Variants in LILRB2 observed in about 807,000 individuals in gnomAD.
The protein encoded by LILRB2 is leukocyte immunoglobulin-like receptor subfamily B member 2.
A neutral mutation model predicts 72.7 loss-of-function variants in LILRB2; 47 were observed. The ratio of observed to expected loss-of-function variants is 0.65; its 90% CI spans 0.51 to 0.82. The LOEUF is 0.82. Ranked by LOEUF, LILRB2 falls within the 40% of genes least tolerant of loss-of-function variation. The probability of loss-of-function intolerance (pLI) is 0.00; values close to 1 mark genes in which losing one functional copy is unlikely to be tolerated. For missense variants in LILRB2, 767 were observed against 764.8 expected (o/e 1.00, Z -0.03); for synonymous variants, 279 against 313.7 (o/e 0.89, Z 1.17).
intron 8 of LILRB2, 25 bp downstream of exon 8, chr19:54,277,864 C>A: frequency 1.3e-6 from 2 of 1,538,556 alleles, no homozygotes. Context: ...GCGCTCCCTT[C>A]GAGCCAGAGG....
intron 4 of LILRB2, 21 bp from the exon 5 acceptor site, chr19:54,279,668 G>A (rs201631551): frequency 1.0e-4 from 167 of 1,599,198 alleles, no homozygotes; most frequent in Middle Eastern, 5.0e-4. Flanking sequence ...AGGAGGCATC[G>A]TGTTAAATGG....
rs527259812 is a variant in LILRB2 at position 54,279,639 on chromosome 19, G to T, written c.364C>A (p.Pro122Thr). 1 of 1,604,620 alleles carries T rather than the reference G, an allele frequency of 6.2e-7. No homozygotes were observed. Among genetic ancestry groups the T allele is most frequent in the Non-Finnish European group, 8.5e-7 (1 of 1,173,414 alleles). ...PLVLVMTGAY[P>T]KPTLSAQPSP... ...GGCTGGGCTGAGAGGGTGGGTTTTG[G>T]GTAGGCTCCTAGGAGAGAAGGAGGC... is the stretch of plus-strand genomic sequence containing the variant. The change falls in exon 5 of 14, where the codon CCA (proline) becomes ACA (threonine). Residue 122 changes from proline to threonine, a missense_variant. Around this residue, in one of 3 missense-constraint regions of LILRB2, gnomAD observed 599 missense variants for 568.2 expected, o/e 1.05. Transcript: ENST00000314446.
chr19:54,279,397 G>C lies in LILRB2; in HGVS notation c.606C>G (p.Asn202Lys). The C allele has an allele frequency of 6.2e-7, 1 of 1,613,910 alleles. No individual in the cohort carries two copies. The highest frequency in any genetic ancestry group is 2.2e-5 in the East Asian group (1 of 44,838). Residue 202 changes from asparagine (N) to lysine (K), a missense_variant, in exon 5 of 14, where the codon AAC becomes AAG. Transcript: ENST00000314446. ...TGGGTGAAGACCACACATAGGGAGA[G>C]TTCAAGTCATAACCATAGCACCTGT... is the stretch of plus-strand genomic sequence containing the variant. ...WSHRCYGYDL[N>K]SPYVWSSPSD...
chr19:54,277,956 G>C lies in LILRB2; in HGVS notation c.1259-17C>G. ...TGGAGGGTCCTGGGTGAAAGAATGAGAGGAGGGTGAGGAGCTGGGGCTTTC... is the reference window on the plus strand; with the variant it reads ...TGGAGGGTCCTGGGTGAAAGAATGACAGGAGGGTGAGGAGCTGGGGCTTTC... On this transcript the variant is annotated splice_polypyrimidine_tract_variant and intron_variant, in intron 7 of 13. Coordinates refer to ENST00000314446, the MANE Select transcript of LILRB2 (RefSeq NM_001080978.4). 2.0e-6 allele frequency: 3 copies of C among 1,481,292 alleles called. No individual in the cohort carries two copies. Among genetic ancestry groups the C allele is most frequent in the Non-Finnish European group, 2.7e-6 (3 of 1,111,636 alleles). 91.8% of individuals were successfully genotyped at this position (1,481,292 alleles called of 1,614,324 possible).
chr19:54,275,418 C>T (rs1445280893), intron 13 of LILRB2: 22 of 504,622 alleles, frequency 4.4e-5, no homozygotes, highest in East Asian at 1.3e-4. Flanking sequence ...CAGCCCTCCC[C>T]TTCCATTCAG....
In LILRB2 at chr19:54,273,995, A is replaced by G. The variant is rs1412568111; in HGVS notation, c.*688T>C. The stretch of plus-strand genomic sequence containing the variant: ...TGAATATTTCATCCATTTAATCTGC[A>G]TTTTCTAGTATATTGGTATAGGTTT... On this transcript the variant is annotated 3_prime_UTR_variant, in exon 14 of 14. Coordinates refer to ENST00000314446, the MANE Select transcript of LILRB2 (RefSeq NM_001080978.4). 1.3e-5 allele frequency: 2 copies of G among 152,230 alleles called. No homozygotes were observed. The highest frequency in any genetic ancestry group is 2.9e-5 in the Non-Finnish European group (2 of 68,190). 9.4% of individuals were successfully genotyped at this position (152,230 alleles called of 1,614,324 possible). A position where few individuals can be genotyped will look rare whatever the true frequency, so the allele number is the denominator to read the frequency against.
chr19:54,277,107 G>A (rs2080269414), intron 9 of LILRB2, 178 bp from the exon 10 acceptor site: 9 of 1,491,990 alleles, frequency 6.0e-6, no homozygotes, highest in East Asian at 2.5e-5. Context: ...GAGGGGAATC[G>A]CCTGCCCCGG....
intron 9 of LILRB2, 103 bp from the exon 10 acceptor site, chr19:54,277,032 C>T (rs968253086): frequency 1.3e-6 from 2 of 1,521,966 alleles, no homozygotes; most frequent in African/African-American, 1.4e-5. Flanking sequence ...CCAACCCCCA[C>T]AACAGTCGTG....
chr19:54,280,916 C>G lies in LILRB2; in HGVS notation c.-49+45G>C, dbSNP rs1461787581. ...TCACAGCTTCCCACATGGTCACCCT[C>G]CCTCCTTCAGCCCATCCATCAGCAC... On this transcript the variant is annotated intron_variant, in intron 1 of 13. Transcript: ENST00000314446. 4 of 1,303,486 alleles carry G rather than the reference C, an allele frequency of 3.1e-6. No individual in the cohort carries two copies. In the African/African-American group the frequency reaches 5.8e-5, roughly 19 times the overall value. 80.7% of individuals were successfully genotyped at this position (1,303,486 alleles called of 1,614,324 possible).
chr19:54,277,963 G>A (rs374464419), intron 7 of LILRB2, 24 bp from the exon 8 acceptor site: 2 of 1,475,664 alleles, frequency 1.4e-6, no homozygotes, highest in South Asian at 2.7e-5. Context: ...TGAGAGGAGG[G>A]TGAGGAGCTG....
In LILRB2 at chr19:54,279,441, G is replaced by A. The variant is rs199771422; in HGVS notation, c.562C>T (p.Pro188Ser). 62 of 1,614,206 alleles carry A rather than the reference G, an allele frequency of 3.8e-5. 1 individual carries two copies. Among genetic ancestry groups the A allele is most frequent in the Non-Finnish European group, 4.5e-5 (53 of 1,180,028 alleles). Residue 188 changes from proline to serine, a missense_variant, in exon 5 of 14, where the codon CCG (proline) becomes TCG (serine). This residue lies in a region of LILRB2 where 599 missense variants were observed against 568.2 expected (regional missense o/e 1.05). Transcript: ENST00000314446. The part of the protein sequence containing the change: ...RAIFSVGPVS[P>S]NRRWSHRCYG... ...CACCTGTGCGACCACCTGCGATTCG[G>A]GCTCACGGGGCCCACGGAGAAGATG...
Position 54,274,485 on chromosome 19 carries a change from T to C in LILRB2, c.*198A>G. On this transcript the variant is annotated 3_prime_UTR_variant, in exon 14 of 14. Transcript: ENST00000314446. ...CATTGATTATTGAGAAGTCTGTTGC[T>C]TTAATTAAAAAATGTAGGGATATTA... 4 of 1,021,168 alleles carry C rather than the reference T, an allele frequency of 3.9e-6. No homozygotes were observed. Among genetic ancestry groups the C allele is most frequent in the Non-Finnish European group, 5.6e-6 (4 of 719,338 alleles). 63.3% of individuals were successfully genotyped at this position (1,021,168 alleles called of 1,614,324 possible). A position where few individuals can be genotyped will look rare whatever the true frequency, so the allele number is the denominator to read the frequency against.
rs1332904225 is a variant in LILRB2, at chr19:54,279,993, C to T, written c.153G>A (p.Gly51=). 4 of 1,614,098 alleles carry T rather than the reference C, an allele frequency of 2.5e-6. No homozygotes were observed. The highest frequency in any genetic ancestry group is 3.4e-6 in the Non-Finnish European group (4 of 1,179,996). Residue 51 remains glycine (G), a synonymous_variant, in exon 4 of 14, where the codon GGG becomes GGA. Coordinates refer to ENST00000314446, the MANE Select transcript of LILRB2 (RefSeq NM_001080978.4). ...GACGGTACTCCTGGGCTTCAAGGCTCCCCTGACAACTGAGGGTGACGGGAC... is the reference window on the plus strand; with the variant it reads ...GACGGTACTCCTGGGCTTCAAGGCTTCCCTGACAACTGAGGGTGACGGGAC... ...QGSPVTLSCQ[G]SLEAQEYRLY...
At position 54,279,952 on chromosome 19, in the gene LILRB2, T is replaced by A. The variant is rs771675050; in HGVS notation, c.194A>T (p.Lys65Ile). 6.2e-7 allele frequency: 1 copy of A among 1,614,088 alleles called. No individual in the cohort carries two copies. Among genetic ancestry groups the A allele is most frequent in the South Asian group, 1.1e-5 (1 of 91,086 alleles). Residue 65 changes from lysine (K) to isoleucine (I), a missense_variant, in exon 4 of 14, where the codon AAA becomes ATA. Lys to Ile is a moderately radical substitution (Grantham distance 102, BLOSUM62 -3). Around this residue, in one of 3 missense-constraint regions of LILRB2, gnomAD observed 599 missense variants for 568.2 expected, o/e 1.05. Transcript: ENST00000314446. Reference sequence around the variant, plus strand: ...TATCCGTGTAATCCAAGATGCTGATTTTTTCTCCCTATATAGACGGTACTC... The same window carrying A: ...TATCCGTGTAATCCAAGATGCTGATATTTTCTCCCTATATAGACGGTACTC... ...AQEYRLYREKKSASWITRIRP... is the reference protein window; with the variant it reads ...AQEYRLYREKISASWITRIRP...
At position 54,279,236 on chromosome 19, in the gene LILRB2, C is replaced by A; in HGVS notation, c.658+109G>T. ...TGGCCCCAGGACCCCTGAGCCCTCTCGCCCCAACATCATCCCACCTGGAAC... is the reference window on the plus strand; with the variant it reads ...TGGCCCCAGGACCCCTGAGCCCTCTAGCCCCAACATCATCCCACCTGGAAC... On this transcript the variant is annotated intron_variant, in intron 5 of 13. Transcript: ENST00000314446. 5 of 1,538,686 alleles carry A rather than the reference C, an allele frequency of 3.2e-6. No homozygotes were observed. In the South Asian group the frequency reaches 3.8e-5, roughly 12 times the overall value.
intron 1 of LILRB2, 45 bp from the exon 2 acceptor site, chr19:54,280,589 C>T: frequency 6.4e-7 from 1 of 1,561,164 alleles, no homozygotes; most frequent in East Asian, 2.2e-5. Context: ...TCCCCTCCTT[C>T]CCACCCTGTG....
intron 6 of LILRB2, 42 bp downstream of exon 6, chr19:54,278,759 GGCAGGGCCTGT>G: frequency 7.1e-7 from 1 of 1,412,618 alleles, no homozygotes; most frequent in Non-Finnish European, 9.5e-7. Context: ...GGATTCCCCC[GGCAGGGCCTGT>G]GCAGAGTCTG....
rs570320342 is a variant in LILRB2, at chr19:54,277,352, A to G, written c.1357+198T>C. 1.6e-4 allele frequency: 185 copies of G among 1,185,064 alleles called. No individual in the cohort carries two copies. The East Asian group carries it at 4.5e-3, about 29-fold the overall frequency. 73.4% of individuals were successfully genotyped at this position (1,185,064 alleles called of 1,614,324 possible). A position where few individuals can be genotyped will look rare whatever the true frequency, so the allele number is the denominator to read the frequency against. The stretch of plus-strand genomic sequence containing the variant: ...TCCCTGAGGGGCCTCCTCTCCCAGG[A>G]GGTCACAGCTGGGAGTGAGAGCTGA... On this transcript the variant is annotated intron_variant, in intron 9 of 13. Coordinates refer to ENST00000314446, the MANE Select transcript of LILRB2 (RefSeq NM_001080978.4).
chr19:54,275,412 C>T (rs2080174812), intron 13 of LILRB2: 1 of 502,586 alleles, frequency 2.0e-6, no homozygotes, highest in Non-Finnish European at 3.9e-6. Flanking sequence ...AGCAGACAGC[C>T]CTCCCCTTCC....
Sources: gnomAD v4.1 joint callset for allele counts on GRCh38, gnomAD v4.1.1 for gene constraint, gnomAD v4.1.1 regional missense constraint, MANE v1.5 for transcripts, NCBI Gene and HGNC (gene_info 2026-07-23, HGNC 2026-07-21) for gene names.